TFAP2D: variants seen among roughly 807,000 people sequenced by gnomAD.
TFAP2D encodes transcription factor AP-2 delta.
TFAP2D carries 9 observed loss-of-function variants against 43.6 expected under a neutral mutation model. That is an observed-to-expected ratio of 0.21 (90% confidence interval 0.12 to 0.36). The LOEUF is 0.36. TFAP2D is among the 10% of genes least tolerant of loss of function. TFAP2D has a pLI of 1.00. For synonymous variants in TFAP2D, 256 were observed against 224.9 expected (o/e 1.14, Z -1.24); for missense variants, 513 against 561.4 (o/e 0.91, Z 0.87).
intron 5 of TFAP2D, among the ~76,000 whole-genome samples, chr6:50,734,821 C>T (rs992750420): frequency 1.3e-5 from 2 of 152,082 alleles, no homozygotes; most frequent in African/African-American, 4.8e-5. Flanking sequence ...TATGGTCTGG[C>T]ACCCATATCT....
At chr6:50,723,045 T>C (rs1196776061) in intron 3 of TFAP2D, among the ~76,000 whole-genome samples, 1 of 152,156 alleles carries the variant, frequency 6.6e-6, no homozygotes, top group East Asian at 1.9e-4. Context: ...AATCAAAACA[T>C]TTTGGAGGAA....
intron 3 of TFAP2D, among the ~76,000 whole-genome samples, chr6:50,728,377 T>C (rs1469753913): frequency 6.6e-6 from 1 of 152,148 alleles, no homozygotes; most frequent in African/African-American, 2.4e-5. Context: ...GGCAGATGGA[T>C]GAGGAAAAGA....
At chr6:50,742,579 T>G (rs767592733) in intron 5 of TFAP2D, among the ~76,000 whole-genome samples, 3 of 52,098 alleles carry the variant, frequency 5.8e-5, no homozygotes, top group Admixed American at 3.5e-4. Context: ...CACACATAGA[T>G]AGATAGATAG....
chr6:50,740,740 A>C (rs1418196337), intron 5 of TFAP2D, among the ~76,000 whole-genome samples: 1 of 152,174 alleles, frequency 6.6e-6, no homozygotes, highest in East Asian at 1.9e-4. Flanking sequence ...CCCGGCCTAA[A>C]GAAAGAAAAA....
At chr6:50,721,878 C>A (rs901113865) in intron 3 of TFAP2D, among the ~76,000 whole-genome samples, 2 of 152,154 alleles carry the variant, frequency 1.3e-5, no homozygotes, top group Admixed American at 6.5e-5. Context: ...ATTCCACTTC[C>A]AAAGACCCCA....
intron 5 of TFAP2D, among the ~76,000 whole-genome samples, chr6:50,742,194 T>C (rs1769055012): frequency 6.6e-6 from 1 of 152,084 alleles, no homozygotes; most frequent in African/African-American, 2.4e-5. Context: ...TGGCATGATA[T>C]ACACATTTTA....
chr6:50,720,931 C>A (rs1326185594), intron 3 of TFAP2D, among the ~76,000 whole-genome samples: 1 of 152,098 alleles, frequency 6.6e-6, no homozygotes. Context: ...TGCATCTGAG[C>A]GTAAGATACC....
intron 3 of TFAP2D, among the ~76,000 whole-genome samples, chr6:50,725,604 A>C (rs546033291): frequency 1.3e-5 from 2 of 152,220 alleles, no homozygotes; most frequent in East Asian, 3.8e-4. Context: ...GAGGAAGTTC[A>C]AGTAGTAACA....
intron 3 of TFAP2D, among the ~76,000 whole-genome samples, chr6:50,722,647 C>T (rs1179967661): frequency 6.6e-6 from 1 of 151,964 alleles, no homozygotes; most frequent in Admixed American, 6.6e-5. Context: ...TGATGAAGCT[C>T]ATAATAAATG....
chr6:50,740,726 CA>C (rs938711184), intron 5 of TFAP2D, among the ~76,000 whole-genome samples: 74 of 152,290 alleles, frequency 4.9e-4, no homozygotes, highest in African/African-American at 1.8e-3. Context: ...CATGAGCCAC[CA>C]CACCCGGCCT....
chr6:50,758,645 G>A (rs1043882294), intron 7 of TFAP2D, among the ~76,000 whole-genome samples: 1 of 151,964 alleles, frequency 6.6e-6, no homozygotes, highest in Admixed American at 6.6e-5. Context: ...TTAAATGTGA[G>A]CATGTTTAGT....
intron 6 of TFAP2D, among the ~76,000 whole-genome samples, chr6:50,746,988 A>G (rs1769134283): frequency 6.6e-6 from 1 of 152,278 alleles, no homozygotes; most frequent in African/African-American, 2.4e-5. Context: ...GAGTATGAAG[A>G]TCAAGAGATA....
At chr6:50,727,432 G>C (rs1039053801) in intron 3 of TFAP2D, among the ~76,000 whole-genome samples, 1 of 152,188 alleles carries the variant, frequency 6.6e-6, no homozygotes, top group Non-Finnish European at 1.5e-5. Flanking sequence ...ATATGTGCTA[G>C]TTAAGGGTAG....
At chr6:50,723,733 A>C (rs1561932122) in intron 3 of TFAP2D, among the ~76,000 whole-genome samples, 1 of 152,152 alleles carries the variant, frequency 6.6e-6, no homozygotes, top group Non-Finnish European at 1.5e-5. Context: ...GCTTTCCCAC[A>C]GCCTACAGCC....
At chr6:50,746,997 T>C (rs997116620) in intron 6 of TFAP2D, among the ~76,000 whole-genome samples, 1 of 152,056 alleles carries the variant, frequency 6.6e-6, no homozygotes, top group Non-Finnish European at 1.5e-5. Flanking sequence ...GATCAAGAGA[T>C]AGAGAAAGAA....
At chr6:50,736,479 TA>T (rs1335918426) in intron 5 of TFAP2D, among the ~76,000 whole-genome samples, 2 of 152,180 alleles carry the variant, frequency 1.3e-5, no homozygotes, top group African/African-American at 4.8e-5. Context: ...ATCTATTATC[TA>T]AAAACTTAAC....
chr6:50,732,263 C>T (rs915092037), intron 5 of TFAP2D, among the ~76,000 whole-genome samples: 5 of 152,042 alleles, frequency 3.3e-5, no homozygotes, highest in African/African-American at 1.2e-4. Flanking sequence ...TGAAATCTCT[C>T]CTTTATCTTC....
chr6:50,732,853 T>C (rs1768913018), intron 5 of TFAP2D, among the ~76,000 whole-genome samples: 1 of 152,122 alleles, frequency 6.6e-6, no homozygotes, highest in Non-Finnish European at 1.5e-5. Flanking sequence ...GTTTTTACTT[T>C]TAAAAAATTA....
chr6:50,716,126 T>G (rs192561544), intron 2 of TFAP2D, among the ~76,000 whole-genome samples: 1 of 152,112 alleles, frequency 6.6e-6, no homozygotes, highest in African/African-American at 2.4e-5. Context: ...AACAGGCTTG[T>G]TCTAAGGAAA....
Sources: gnomAD v4.1 joint callset for allele counts (sites outside exome capture counted in the v4.1 genomes callset) on GRCh38, gnomAD v4.1.1 for gene constraint, MANE v1.5 for transcripts, NCBI Gene and HGNC (gene_info 2026-07-23, HGNC 2026-07-21) for gene names.